ZFHX2: variants seen among roughly 807,000 people sequenced by gnomAD.
The protein encoded by ZFHX2 is zinc finger homeobox protein 2.
Under a neutral mutation model 164.8 loss-of-function variants are expected in ZFHX2, and 75 were observed. That is an observed-to-expected ratio of 0.46 (90% confidence interval 0.38 to 0.55). The LOEUF is 0.55. ZFHX2 is among the 20% of genes least tolerant of loss of function. The pLI is 0.00. For missense variants in ZFHX2, 2,933 were observed against 3,308.0 expected (o/e 0.89, Z 2.78); for synonymous variants, 1,217 against 1,351.4 (o/e 0.90, Z 2.18).
In ZFHX2 at chr14:23,523,306, C is replaced by A; in HGVS notation, c.6636G>T (p.Met2212Ile). The A allele has an allele frequency of 6.9e-7, 1 of 1,448,860 alleles. No homozygotes were observed. Among genetic ancestry groups the A allele is most frequent in the Non-Finnish European group, 9.0e-7 (1 of 1,105,650 alleles). The allele number at this position is 1,448,860 out of a possible 1,614,324, so 89.8% of individuals were successfully genotyped here. A position where few individuals can be genotyped will look rare whatever the true frequency, so the allele number is the denominator to read the frequency against. The change falls in exon 9 of 10, where the codon ATG (methionine) becomes ATT (isoleucine). Residue 2212 changes from methionine to isoleucine, a missense_variant. Coordinates refer to ENST00000419474, the MANE Select transcript of ZFHX2 (RefSeq NM_033400.3). The surrounding 1 kb of genome is among the most constrained non-coding windows in gnomAD (Gnocchi z 4.1). ...GCAAGGTTGGGGCAGCCCCGAGGGG[C>A]ATGGAGGCAGGTGTGGTGGCAGGTG... is the stretch of plus-strand genomic sequence containing the variant. The part of the protein sequence containing the change: ...KAPPATTPAS[M>I]PLGAAPTLPR...
Position 23,526,450 on chromosome 14 carries a change from T to C in ZFHX2, c.3492A>G (p.Pro1164=). ...TGELRSAEPA[P]ADSRHPLTYR... is the part of the protein sequence containing the mutation. Reference sequence around the variant, plus strand: ...AGGTCAGAGGGTGGCGAGAGTCAGCTGGAGCTGGCTCTGCAGAGCGGAGCT... The same window carrying C: ...AGGTCAGAGGGTGGCGAGAGTCAGCCGGAGCTGGCTCTGCAGAGCGGAGCT... The change falls in exon 9 of 10, where the codon CCA becomes CCG. Residue 1164 remains proline, a synonymous_variant. Coordinates refer to ENST00000419474, the MANE Select transcript of ZFHX2 (RefSeq NM_033400.3). 1 of 1,536,260 alleles carries C rather than the reference T, an allele frequency of 6.5e-7. No individual in the cohort carries two copies. Among genetic ancestry groups the C allele is most frequent in the Non-Finnish European group, 8.7e-7 (1 of 1,146,868 alleles).
chr14:23,536,407 A>G (rs1008610323), intron 1 of ZFHX2, among the ~76,000 whole-genome samples: 3 of 152,138 alleles, frequency 2.0e-5, no homozygotes, highest in Non-Finnish European at 4.4e-5. Context: ...TGCAGGCACC[A>G]TGCTTCTCTC....
Position 23,526,540 on chromosome 14 carries a change from A to C in ZFHX2, c.3402T>G (p.Asp1134Glu). The change falls in exon 9 of 10, where the codon GAT becomes GAG. Residue 1134 changes from aspartate to glutamate, a missense_variant. Coordinates refer to ENST00000419474, the MANE Select transcript of ZFHX2 (RefSeq NM_033400.3). ...SPAPSPVPEP[D>E]AQAEDVAPPP... The stretch of plus-strand genomic sequence containing the variant: ...GAGGAGCTACGTCTTCAGCTTGGGC[A>C]TCAGGTTCAGGGACTGGAGATGGGG... 6.5e-7 allele frequency: 1 copy of C among 1,535,758 alleles called. No homozygotes were observed. Among genetic ancestry groups the C allele is most frequent in the Non-Finnish European group, 8.7e-7 (1 of 1,146,814 alleles).
In ZFHX2 at chr14:23,525,741, G is replaced by A; in HGVS notation, c.4201C>T (p.Pro1401Ser). 1 of 1,513,074 alleles carries A rather than the reference G, an allele frequency of 6.6e-7. No homozygotes were observed. The highest frequency in any genetic ancestry group is 1.3e-5 in the South Asian group (1 of 79,344). 93.7% of individuals were successfully genotyped at this position (1,513,074 alleles called of 1,614,324 possible). Residue 1401 changes from proline to serine, a missense_variant, in exon 9 of 10, where the codon CCC becomes TCC. Physicochemically the swap from Pro to Ser is moderately conservative, Grantham distance 74 (BLOSUM62 -1). Coordinates refer to ENST00000419474, the MANE Select transcript of ZFHX2 (RefSeq NM_033400.3). This position sits in a 1 kb window ranked among gnomAD's most constrained non-coding sequence, Gnocchi z 5.9. ...TCCCGCTCAGCCAGCTCAGCCTTGG[G>A]AGGTTGGGGTGGAGGAGGAGGGGTG... ...AATPPPPPQPPKAELAEREWE... is the reference protein window; with the variant it reads ...AATPPPPPQPSKAELAEREWE...
At position 23,525,789 on chromosome 14, in the gene ZFHX2, G is replaced by C. The variant is rs1438297164; in HGVS notation, c.4153C>G (p.Pro1385Ala). The change falls in exon 9 of 10, where the codon CCT (proline) becomes GCT (alanine). Residue 1385 changes from proline (P) to alanine (A), a missense_variant. By Grantham distance (27) the Pro-to-Ala change is conservative. Transcript: ENST00000419474. The surrounding 1 kb of genome is among the most constrained non-coding windows in gnomAD (Gnocchi z 5.9). Reference protein sequence around the residue: ...GPKLTLAGPAPVLSLPAATPP... With the variant: ...GPKLTLAGPAAVLSLPAATPP... ...GTGGCAGCTGGCAGGGACAGCACAG[G>C]TGCAGGCCCAGCTAGTGTCAGCTTG... 1 of 1,491,602 alleles carries C rather than the reference G, an allele frequency of 6.7e-7. No homozygotes were observed. The highest frequency in any genetic ancestry group is 8.9e-7 in the Non-Finnish European group (1 of 1,124,802). 92.4% of individuals were successfully genotyped at this position (1,491,602 alleles called of 1,614,324 possible).
rs10150025 is a variant in ZFHX2 at position 23,521,018 on chromosome 14, G to A, written c.*944C>T. 7.3e-5 allele frequency: 11 copies of A among 151,482 alleles called. No individual in the cohort carries two copies. The highest frequency in any genetic ancestry group is 2.4e-4 in the African/African-American group (10 of 41,206). 9.4% of individuals were successfully genotyped at this position (151,482 alleles called of 1,614,324 possible). A position where few individuals can be genotyped will look rare whatever the true frequency, so the allele number is the denominator to read the frequency against. Reference sequence around the variant, plus strand: ...TGTGTTTCAGTTTTTTTTTTTGAAAGAACTTTGGATTTGCCGTTGGTGGGC... The same window carrying A: ...TGTGTTTCAGTTTTTTTTTTTGAAAAAACTTTGGATTTGCCGTTGGTGGGC... On this transcript the variant is annotated 3_prime_UTR_variant, in exon 10 of 10. Coordinates refer to ENST00000419474, the MANE Select transcript of ZFHX2 (RefSeq NM_033400.3).
chr14:23,553,156 T>C (rs989163244), upstream of ZFHX2, among the ~76,000 whole-genome samples: 5 of 152,216 alleles, frequency 3.3e-5, no homozygotes, highest in Non-Finnish European at 5.9e-5. Flanking sequence ...CTAACTGCTA[T>C]AGCCTACTTC....
rs1879734706 is a variant in ZFHX2, at chr14:23,532,852, G to T, written c.2274C>A (p.His758Gln). ...AEWKEVAGDT[H>Q]RCKLCCYGTQ... ...TGCCATAGCAGCAAAGCTTGCAGCG[G>T]TGGGTGTCACCAGCCACCTCCTTCC... The change falls in exon 3 of 10, where the codon CAC becomes CAA. Residue 758 changes from histidine to glutamine, a missense_variant. Physicochemically the swap from His to Gln is conservative, Grantham distance 24. Coordinates refer to ENST00000419474, the MANE Select transcript of ZFHX2 (RefSeq NM_033400.3). 1 of 1,536,330 alleles carries T rather than the reference G, an allele frequency of 6.5e-7. No individual in the cohort carries two copies. Among genetic ancestry groups the T allele is most frequent in the South Asian group, 1.2e-5 (1 of 84,064 alleles).
intron 1 of ZFHX2, chr14:23,543,088 C>G (rs1043276005): frequency 6.6e-6 from 1 of 152,200 alleles, no homozygotes; most frequent in Non-Finnish European, 1.5e-5. Context: ...ATTCTGTGAA[C>G]CTGTGTGATG....
rs1376523306 is a variant in ZFHX2, at chr14:23,521,585, T to C, written c.*377A>G. On this transcript the variant is annotated 3_prime_UTR_variant, in exon 10 of 10. Coordinates refer to ENST00000419474, the MANE Select transcript of ZFHX2 (RefSeq NM_033400.3). The stretch of plus-strand genomic sequence containing the variant: ...GTGTGTGTGCATGTATGTGTATGCA[T>C]TTATGGGGATGGGGAGCTGGGAATT... 1 of 203,848 alleles carries C rather than the reference T, an allele frequency of 4.9e-6. No individual in the cohort carries two copies. The highest frequency in any genetic ancestry group is 9.9e-6 in the Non-Finnish European group (1 of 101,030). The allele number at this position is 203,848 out of a possible 1,614,324, so 12.6% of individuals were successfully genotyped here.
rs187638714 is a variant in ZFHX2, at chr14:23,546,154, T to C, written c.-50+5189A>G. On this transcript the variant is annotated intron_variant, in intron 1 of 9. Coordinates refer to ENST00000419474, the MANE Select transcript of ZFHX2 (RefSeq NM_033400.3). The surrounding 1 kb of genome is among the most constrained non-coding windows in gnomAD (Gnocchi z 4.7). ...GTGCTCCACAGGACCAGACTCTCCA[T>C]GCATAAACTGCTCTGCAGAGAGGTC... 6.6e-6 allele frequency among the ~76,000 whole-genome samples: 1 copy of C among 152,220 alleles called. No individual in the cohort carries two copies. Among genetic ancestry groups the C allele is most frequent in the Admixed American group, 6.5e-5 (1 of 15,284 alleles).
chr14:23,522,844 C>T lies in ZFHX2; in HGVS notation c.6837G>A (p.Gln2279=). ...TGTTGGTTTGGTCGGGCATGGGTCT[C>T]TGAGGTAAGGGGCGGCCTGGGCCAG... ...QTAGPGRPLP[Q]RPMPDQTNTS... Residue 2279 remains glutamine (Q), a synonymous_variant, in exon 10 of 10, where the codon CAG becomes CAA. Coordinates refer to ENST00000419474, the MANE Select transcript of ZFHX2 (RefSeq NM_033400.3). The T allele has an allele frequency of 6.5e-7, 1 of 1,532,442 alleles. No individual in the cohort carries two copies. Among genetic ancestry groups the T allele is most frequent in the Admixed American group, 2.0e-5 (1 of 50,712 alleles). The allele number at this position is 1,532,442 out of a possible 1,614,324, so 94.9% of individuals were successfully genotyped here.
Position 23,526,376 on chromosome 14 carries a change from C to T in ZFHX2, c.3566G>A (p.Arg1189Gln), listed in dbSNP as rs1000308389. The part of the protein sequence containing the change: ...FALDKFLDPA[R>Q]PYKCTVCKES... ...CTTACACACAGTGCACTTATAGGGC[C>T]GGGCAGGGTCGAGAAACTTGTCCAG... Residue 1189 changes from arginine (R) to glutamine (Q), a missense_variant, in exon 9 of 10, where the codon CGG becomes CAG. Arg to Gln is a conservative substitution (Grantham distance 43, BLOSUM62 1). Coordinates refer to ENST00000419474, the MANE Select transcript of ZFHX2 (RefSeq NM_033400.3). 9 of 1,536,222 alleles carry T rather than the reference C, an allele frequency of 5.9e-6. No individual in the cohort carries two copies. In the Admixed American group the frequency reaches 5.9e-5, roughly 10 times the overall value.
chr14:23,538,618 T>C lies in ZFHX2; in HGVS notation c.-49-3244A>G, dbSNP rs562940455. Among the ~76,000 whole-genome samples the C allele has an allele frequency of 2.0e-5, 3 of 152,168 alleles. No individual in the cohort carries two copies. In the South Asian group the frequency reaches 6.2e-4, roughly 32 times the overall value. ...GCCATTCTTCCCTTTAGTTCCTGGC[T>C]TTCCTTAAGGGCATCCCCTATCCCT... On this transcript the variant is annotated intron_variant, in intron 1 of 9. Transcript: ENST00000419474.
At position 23,526,649 on chromosome 14, in the gene ZFHX2, G is replaced by A. The variant is rs1010243544; in HGVS notation, c.3293C>T (p.Pro1098Leu). The change falls in exon 9 of 10, where the codon CCA becomes CTA. Residue 1098 changes from proline to leucine, a missense_variant. Pro to Leu is a moderately conservative substitution (Grantham distance 98). Coordinates refer to ENST00000419474, the MANE Select transcript of ZFHX2 (RefSeq NM_033400.3). The stretch of plus-strand genomic sequence containing the variant: ...CAGGGGAGGCTCAGGAAGAGGATCT[G>A]GACTGGCTTCTGGGGTCAGGTTAGG... The part of the protein sequence containing the change: ...EGPNLTPEAS[P>L]DPLPEPPLAS... 9.1e-6 allele frequency: 14 copies of A among 1,535,864 alleles called. No homozygotes were observed. The highest frequency in any genetic ancestry group is 1.2e-5 in the Non-Finnish European group (14 of 1,146,890).
Position 23,532,933 on chromosome 14 carries a change from GCTGT to G in ZFHX2, c.2189_2192del (p.Asp730AlafsTer11). The G allele has an allele frequency of 6.5e-7, 1 of 1,536,192 alleles. No homozygotes were observed. The highest frequency in any genetic ancestry group is 8.7e-7 in the Non-Finnish European group (1 of 1,146,916). On this transcript the variant is annotated frameshift_variant, in exon 3 of 10. Coordinates refer to ENST00000419474, the MANE Select transcript of ZFHX2 (RefSeq NM_033400.3). LOFTEE classifies it high-confidence loss of function. ...TGCAGTGGTAGAGCAGCAGCTCCAGGCTGTCTGTGCTGAAGGCCTGGCACACTAG... is the reference window on the plus strand; with the variant it reads ...TGCAGTGGTAGAGCAGCAGCTCCAGGCTGTGCTGAAGGCCTGGCACACTAG...
rs977595606 is a variant in ZFHX2 at position 23,522,473 on chromosome 14, G to A, written c.7208C>T (p.Pro2403Leu). The A allele has an allele frequency of 4.0e-5, 61 of 1,535,500 alleles. No individual in the cohort carries two copies. Among genetic ancestry groups the A allele is most frequent in the South Asian group, 9.5e-5 (8 of 83,966 alleles). ...TGTGGGCTCAGGGGGCTGGGGTGGC[G>A]GCTGGAGGAGGGCATTGGGGAGCAG... ...IGLLPNALLQ[P>L]PPQPPEPTAT... Residue 2403 changes from proline (P) to leucine (L), a missense_variant, in exon 10 of 10, where the codon CCG becomes CTG. Transcript: ENST00000419474.
Position 23,525,287 on chromosome 14 carries a change from A to C in ZFHX2, c.4655T>G (p.Phe1552Cys), listed in dbSNP as rs771640262. 1.7e-5 allele frequency: 26 copies of C among 1,535,926 alleles called. No homozygotes were observed. Among genetic ancestry groups the C allele is most frequent in the Middle Eastern group, 1.7e-4 (1 of 6,008 alleles). The part of the protein sequence containing the change: ...DSPVPHLGPP[F>C]LVPEPEAGGT... ...CCCTGCCTCAGGCTCTGGGACCAGGAAGGGTGGGCCCAGATGGGGAACAGG... is the reference window on the plus strand; with the variant it reads ...CCCTGCCTCAGGCTCTGGGACCAGGCAGGGTGGGCCCAGATGGGGAACAGG... Residue 1552 changes from phenylalanine to cysteine, a missense_variant, in exon 9 of 10, where the codon TTC (phenylalanine) becomes TGC (cysteine). By Grantham distance (205) the Phe-to-Cys change is radical. Coordinates refer to ENST00000419474, the MANE Select transcript of ZFHX2 (RefSeq NM_033400.3). This position sits in a 1 kb window ranked among gnomAD's most constrained non-coding sequence, Gnocchi z 5.9.
At position 23,529,715 on chromosome 14, in the gene ZFHX2, T is replaced by C; in HGVS notation, c.2929A>G (p.Thr977Ala). The change falls in exon 6 of 10, where the codon ACC (threonine) becomes GCC (alanine). Residue 977 changes from threonine to alanine, a missense_variant. By Grantham distance (58) the Thr-to-Ala change is moderately conservative. Coordinates refer to ENST00000419474, the MANE Select transcript of ZFHX2 (RefSeq NM_033400.3). ...TGPSRDSANQ[T>A]TVYCCPYCSF... Reference sequence around the variant, plus strand: ...CCAGTTACCCCAATTCTGACCGTGGTCTGGTTGGCACTGTCTCTGGAAGGG... The same window carrying C: ...CCAGTTACCCCAATTCTGACCGTGGCCTGGTTGGCACTGTCTCTGGAAGGG... 6.5e-7 allele frequency: 1 copy of C among 1,536,184 alleles called. No individual in the cohort carries two copies. Among genetic ancestry groups the C allele is most frequent in the Non-Finnish European group, 8.7e-7 (1 of 1,146,908 alleles).
Sources: allele counts gnomAD v4.1 joint callset (sites outside exome capture counted in the v4.1 genomes callset), GRCh38; gene constraint gnomAD v4.1.1; non-coding constraint Gnocchi (gnomAD v3.1); transcripts MANE v1.5; gene names NCBI Gene and HGNC (gene_info 2026-07-23, HGNC 2026-07-21).